Variants in F13A1 observed in about 807,000 individuals in gnomAD.
F13A1 encodes coagulation factor XIII A chain, also known as FSF, A subunit.
F13A1 carries 47 observed loss-of-function variants against 80.1 expected under a neutral mutation model. That is an observed-to-expected ratio of 0.59 (90% CI 0.46 to 0.75). F13A1 has a LOEUF of 0.75. Among genes scored for constraint, F13A1 ranks in the 30% least tolerant of loss-of-function variants. The pLI is 0.00. For synonymous variants in F13A1, 349 were observed against 344.9 expected (o/e 1.01, Z -0.13); for missense variants, 817 against 930.4 (o/e 0.88, Z 1.59).
intron 10 of F13A1, 24 bp downstream of exon 10, chr6:6,195,772 CA>C (rs1583066226): frequency 6.2e-7 from 1 of 1,603,868 alleles, no homozygotes; most frequent in East Asian, 2.2e-5. Context: ...AGAAAAACAG[CA>C]CTTTCCTCCA....
chr6:6,299,800 A>G lies in F13A1; in HGVS notation c.319+5551T>C, dbSNP rs188084238. ...TGTTCCGTTGCTGGTGAGGAACTTC[A>G]TTTCTTTGGAGGAGGAGAGGCGGTC... On this transcript the variant is annotated intron_variant, in intron 3 of 14. Coordinates refer to ENST00000264870, the MANE Select transcript of F13A1 (RefSeq NM_000129.4). 2.1e-3 allele frequency among the ~76,000 whole-genome samples: 319 copies of G among 148,504 alleles called. 34 individuals carry two copies. The highest frequency in any genetic ancestry group is 8.1e-3 in the African/African-American group (310 of 38,300).
intron 6 of F13A1, among the ~76,000 whole-genome samples, chr6:6,226,810 G>A (rs919517022): frequency 6.6e-6 from 1 of 152,292 alleles, no homozygotes; most frequent in East Asian, 1.9e-4. Context: ...GAGAGAGATG[G>A]TCAAGAAACC....
chr6:6,173,383 G>A (rs1021056571), intron 12 of F13A1, among the ~76,000 whole-genome samples: 1 of 148,720 alleles, frequency 6.7e-6, no homozygotes, highest in Non-Finnish European at 1.5e-5. Context: ...AGATGACACA[G>A]CTTTGTTTCC....
chr6:6,229,788 T>C (rs1253714525), intron 6 of F13A1, among the ~76,000 whole-genome samples: 1 of 152,068 alleles, frequency 6.6e-6, no homozygotes, highest in Non-Finnish European at 1.5e-5. Flanking sequence ...ACTATGCAAG[T>C]GGGAAAGGGA....
chr6:6,185,030 A>G (rs1389738076), intron 10 of F13A1, among the ~76,000 whole-genome samples: 2 of 152,154 alleles, frequency 1.3e-5, no homozygotes, highest in African/African-American at 4.8e-5. Flanking sequence ...CCCAAAATCA[A>G]TTGACGCTCT....
At chr6:6,298,920 A>G (rs1319666512) in intron 3 of F13A1, among the ~76,000 whole-genome samples, 1 of 148,334 alleles carries the variant, frequency 6.7e-6, no homozygotes, top group East Asian at 1.9e-4. Context: ...CGCTTCCTTC[A>G]GGAGCTCTTT....
intron 13 of F13A1, among the ~76,000 whole-genome samples, chr6:6,156,376 C>T (rs919803731): frequency 2.6e-4 from 40 of 152,146 alleles, no homozygotes; most frequent in Non-Finnish European, 1.5e-5. Flanking sequence ...ATATCTTCCA[C>T]TAAGCATATG....
chr6:6,314,658 A>T (rs1315389672), intron 2 of F13A1, among the ~76,000 whole-genome samples: 1 of 152,192 alleles, frequency 6.6e-6, no homozygotes, highest in Non-Finnish European at 1.5e-5. Context: ...CACAGTCTTT[A>T]TTACACTGAA....
intron 14 of F13A1, among the ~76,000 whole-genome samples, chr6:6,150,888 G>A (rs9504692): frequency 0.21 from 32,361 of 151,982 alleles, 3,551 homozygotes; most frequent in Middle Eastern, 0.28. Flanking sequence ...TAGAGGAGAG[G>A]GAAATAAAGT....
intron 3 of F13A1, among the ~76,000 whole-genome samples, chr6:6,278,174 T>C (rs1453499687): frequency 6.6e-6 from 1 of 152,244 alleles, no homozygotes; most frequent in East Asian, 1.9e-4. Flanking sequence ...TTCTAGGTAC[T>C]GAGAATACAG....
intron 6 of F13A1, among the ~76,000 whole-genome samples, chr6:6,245,623 C>A (rs924895009): frequency 6.6e-6 from 1 of 152,174 alleles, no homozygotes; most frequent in Non-Finnish European, 1.5e-5. Flanking sequence ...TCCTTGCCAA[C>A]CTTCAGTGCT....
chr6:6,298,621 T>C (rs1423305728), intron 3 of F13A1, among the ~76,000 whole-genome samples: 1 of 149,590 alleles, frequency 6.7e-6, no homozygotes, highest in African/African-American at 2.6e-5. Context: ...CTCCATCCTT[T>C]TATCTTGAGC....
intron 13 of F13A1, among the ~76,000 whole-genome samples, chr6:6,158,169 T>C (rs1204809815): frequency 1.3e-5 from 2 of 152,130 alleles, no homozygotes; most frequent in Non-Finnish European, 2.9e-5. Flanking sequence ...TCAGGACTCA[T>C]AGGTAGATAC....
chr6:6,309,115 T>G (rs576828441), intron 2 of F13A1, among the ~76,000 whole-genome samples: 1 of 152,168 alleles, frequency 6.6e-6, no homozygotes, highest in South Asian at 2.1e-4. Context: ...TTAATATATT[T>G]AATATTCTCC....
At chr6:6,205,644 G>A (rs148434478) in intron 8 of F13A1, among the ~76,000 whole-genome samples, 1 of 152,236 alleles carries the variant, frequency 6.6e-6, no homozygotes, top group East Asian at 1.9e-4. Flanking sequence ...TAGAAAATTA[G>A]GGGCTGATTA....
At chr6:6,277,534 T>C (rs1038801881) in intron 3 of F13A1, among the ~76,000 whole-genome samples, 8 of 152,220 alleles carry the variant, frequency 5.3e-5, no homozygotes, top group South Asian at 2.1e-4. Context: ...GGTCTCAAGA[T>C]GAGCAATGTT....
intron 6 of F13A1, among the ~76,000 whole-genome samples, chr6:6,232,391 C>A (rs1350518828): frequency 6.6e-6 from 1 of 152,172 alleles, no homozygotes; most frequent in Admixed American, 6.5e-5. Context: ...CCTTGTCCAA[C>A]AGGAAAATAT....
chr6:6,262,545 G>C (rs1319214747), intron 4 of F13A1, among the ~76,000 whole-genome samples: 5 of 152,172 alleles, frequency 3.3e-5, no homozygotes, highest in Non-Finnish European at 7.3e-5. Flanking sequence ...GATTGTGCTA[G>C]TTTGCCCTGT....
At chr6:6,211,491 C>A (rs535060279) in intron 8 of F13A1, among the ~76,000 whole-genome samples, 1 of 152,208 alleles carries the variant, frequency 6.6e-6, no homozygotes, top group Non-Finnish European at 1.5e-5. Flanking sequence ...CATCTTTAAG[C>A]AATTTGGTCT....
Sources: allele counts gnomAD v4.1 joint callset (sites outside exome capture counted in the v4.1 genomes callset), GRCh38; gene constraint gnomAD v4.1.1; transcripts MANE v1.5; gene names NCBI Gene and HGNC (gene_info 2026-07-23, HGNC 2026-07-21).